The following PKNOX2 variants were observed in gnomAD, a reference collection of about 807,000 sequenced individuals.
PKNOX2 encodes homeobox protein PKNOX2.
A neutral mutation model predicts 53.1 loss-of-function variants in PKNOX2; 14 were observed. The observed-to-expected ratio is 0.26, with a 90% CI of 0.17 to 0.41. The LOEUF (loss-of-function observed/expected upper bound fraction) is 0.41, where lower values mean the gene tolerates loss of function less well. Among genes scored for constraint, PKNOX2 ranks in the 10% least tolerant of loss-of-function variants. PKNOX2 has a pLI of 1.00. For synonymous variants in PKNOX2, 257 were observed against 242.8 expected (o/e 1.06, Z -0.54); for missense variants, 496 against 602.8 (o/e 0.82, Z 1.85).
At chr11:125,315,303 G>GCAAAA (rs1949087067) in intron 2 of PKNOX2, among the ~76,000 whole-genome samples, 2 of 79,456 alleles carry the variant, frequency 2.5e-5, no homozygotes, top group African/African-American at 7.8e-5. Flanking sequence ...TGTGAAGCAG[G>GCAAAA]AAAAAAAAAA....
At chr11:125,206,630 G>A (rs954914626) in intron 1 of PKNOX2, among the ~76,000 whole-genome samples, 1 of 152,084 alleles carries the variant, frequency 6.6e-6, no homozygotes, top group Non-Finnish European at 1.5e-5. Context: ...TGGTGATCTT[G>A]AGCGAAAAAC....
At chr11:125,320,296 C>A (rs1330979756) in intron 2 of PKNOX2, among the ~76,000 whole-genome samples, 3 of 152,138 alleles carry the variant, frequency 2.0e-5, no homozygotes, top group Admixed American at 6.5e-5. Context: ...AGCAGAGATT[C>A]AGGAGGTTAC....
At chr11:125,375,314 C>T (rs1311562789) in intron 5 of PKNOX2, among the ~76,000 whole-genome samples, 1 of 152,176 alleles carries the variant, frequency 6.6e-6, no homozygotes, top group Non-Finnish European at 1.5e-5. Flanking sequence ...GAGATTCTCT[C>T]ATACAGCAAC....
At chr11:125,408,812 C>A (rs12366087) in intron 7 of PKNOX2, among the ~76,000 whole-genome samples, 44,869 of 151,966 alleles carry the variant, frequency 0.3, 7,122 homozygotes, top group East Asian at 0.56. Context: ...CTCGAGGTTT[C>A]CTCCAAACAC....
intron 6 of PKNOX2, among the ~76,000 whole-genome samples, chr11:125,393,872 C>G (rs1330536306): frequency 6.7e-6 from 1 of 148,870 alleles, no homozygotes; most frequent in Non-Finnish European, 1.5e-5. Context: ...TATACTACCA[C>G]TTCCTCTACC....
At chr11:125,411,646 AAG>A in intron 9 of PKNOX2, 98 bp from the exon 10 acceptor site, 10 of 1,593,796 alleles carry the variant, frequency 6.3e-6, no homozygotes, top group Non-Finnish European at 7.7e-6. Context: ...TGAGCCGGGA[AAG>A]GGGCTGGCAG....
At chr11:125,392,180 A>G (rs1219818920) in intron 6 of PKNOX2, among the ~76,000 whole-genome samples, 1 of 152,268 alleles carries the variant, frequency 6.6e-6, no homozygotes, top group Non-Finnish European at 1.5e-5. Context: ...TTTATAAAGC[A>G]TGTTTACATC....
intron 2 of PKNOX2, among the ~76,000 whole-genome samples, chr11:125,276,918 A>G (rs1946199623): frequency 6.6e-6 from 1 of 152,196 alleles, no homozygotes; most frequent in Non-Finnish European, 1.5e-5. Context: ...AGACTAAGAC[A>G]ATGCAAGGAG....
intron 2 of PKNOX2, among the ~76,000 whole-genome samples, chr11:125,257,961 A>G (rs1193046873): frequency 1.3e-5 from 2 of 152,184 alleles, no homozygotes; most frequent in Non-Finnish European, 2.9e-5. Context: ...CCAAGAAGGA[A>G]AAGTGGCAGG....
chr11:125,388,707 C>T (rs922201558), intron 6 of PKNOX2, among the ~76,000 whole-genome samples: 1 of 152,026 alleles, frequency 6.6e-6, no homozygotes, highest in East Asian at 1.9e-4. Flanking sequence ...CCCAGCTGGC[C>T]GCCCCCCTGT....
At chr11:125,249,119 T>G (rs1246084718) in intron 2 of PKNOX2, among the ~76,000 whole-genome samples, 1 of 137,446 alleles carries the variant, frequency 7.3e-6, no homozygotes, top group African/African-American at 2.9e-5. Context: ...AGGGTGATTA[T>G]AAATTTTTAC....
At chr11:125,293,804 C>T (rs1947475156) in intron 2 of PKNOX2, among the ~76,000 whole-genome samples, 2 of 136,648 alleles carry the variant, frequency 1.5e-5, no homozygotes, top group African/African-American at 3.6e-5. Context: ...CACACACGCT[C>T]ACACACACTC....
intron 5 of PKNOX2, among the ~76,000 whole-genome samples, chr11:125,380,346 T>C (rs985584773): frequency 1.3e-5 from 2 of 151,912 alleles, no homozygotes; most frequent in East Asian, 1.9e-4. Flanking sequence ...ACTGAATTAG[T>C]GCAGAGAGAT....
intron 1 of PKNOX2, among the ~76,000 whole-genome samples, chr11:125,180,097 G>A (rs1347464053): frequency 2.6e-5 from 4 of 152,156 alleles, no homozygotes; most frequent in Non-Finnish European, 5.9e-5. Flanking sequence ...GGGCCCCCGC[G>A]TGTACTGGTC....
intron 1 of PKNOX2, among the ~76,000 whole-genome samples, chr11:125,228,057 G>A (rs1023762152): frequency 1.3e-5 from 2 of 151,036 alleles, no homozygotes; most frequent in Admixed American, 1.3e-4. Context: ...GCATGACCTT[G>A]GGTAGTGTAC....
intron 2 of PKNOX2, among the ~76,000 whole-genome samples, chr11:125,318,788 G>A (rs1442209985): frequency 6.6e-6 from 1 of 152,198 alleles, no homozygotes; most frequent in African/African-American, 2.4e-5. Flanking sequence ...TGGTGGAGGT[G>A]ATTAGATCAT....
chr11:125,298,551 A>G (rs1947811499), intron 2 of PKNOX2, among the ~76,000 whole-genome samples: 1 of 152,208 alleles, frequency 6.6e-6, no homozygotes. Flanking sequence ...GTGTTCCCTC[A>G]GCTCCCCAGG....
chr11:125,382,968 G>A (rs1266816101), intron 5 of PKNOX2, among the ~76,000 whole-genome samples: 1 of 152,108 alleles, frequency 6.6e-6, no homozygotes, highest in Non-Finnish European at 1.5e-5. Flanking sequence ...CGAGTCTGCA[G>A]CCCTGGGGCC....
At chr11:125,226,596 C>T (rs76228585) in intron 1 of PKNOX2, among the ~76,000 whole-genome samples, 2,210 of 152,226 alleles carry the variant, frequency 0.015, 20 homozygotes, top group Non-Finnish European at 0.022. Context: ...TGCTGCATCA[C>T]ATTAGGTGCC....
Sources: allele counts gnomAD v4.1 joint callset (sites outside exome capture counted in the v4.1 genomes callset), GRCh38; gene constraint gnomAD v4.1.1; transcripts MANE v1.5; gene names NCBI Gene and HGNC (gene_info 2026-07-23, HGNC 2026-07-21).